Variants in ANO2 observed in about 807,000 individuals in gnomAD.
The protein encoded by ANO2 is anoctamin 2.
A neutral mutation model predicts 124.2 loss-of-function variants in ANO2; 101 were observed. That is an observed-to-expected ratio of 0.81 (90% confidence interval 0.69 to 0.96). ANO2 has a LOEUF of 0.96. Ranked by LOEUF, ANO2 falls within the 40% of genes least tolerant of loss-of-function variation. The probability of loss-of-function intolerance (pLI) is 0.00; values close to 1 mark genes in which losing one functional copy is unlikely to be tolerated. For missense variants in ANO2, 1,293 were observed against 1,274.5 expected (o/e 1.01, Z -0.22); for synonymous variants, 486 against 482.5 (o/e 1.01, Z -0.09).
At chr12:5,637,635 A>T (rs1409810769) in intron 15 of ANO2, among the ~76,000 whole-genome samples, 1 of 152,118 alleles carries the variant, frequency 6.6e-6, no homozygotes, top group East Asian at 1.9e-4. Context: ...CTGACCTGGA[A>T]CCTGCATTGT....
rs1941871870 is a variant in ANO2, at chr12:5,923,180, A to ACACC, written c.23-377_23-376insGGTG. 1.3e-4 allele frequency among the ~76,000 whole-genome samples: 6 copies of ACACC among 46,784 alleles called. 1 individual carries two copies. Among genetic ancestry groups the ACACC allele is most frequent in the East Asian group, 1.8e-3 (1 of 560 alleles). 30.7% of individuals were successfully genotyped at this position (46,784 alleles called of 152,430 possible). A position where few individuals can be genotyped will look rare whatever the true frequency, so the allele number is the denominator to read the frequency against. On this transcript the variant is annotated intron_variant, in intron 1 of 24. Coordinates refer to ENST00000682330, the MANE Select transcript of ANO2 (RefSeq NM_001364791.2). ...CACACGCATACACACACACGCACAC[A>ACACC]CACATACACACACACGCACGCACAC...
At position 5,855,471 on chromosome 12, in the gene ANO2, C is replaced by T. The variant is rs147034178; in HGVS notation, c.535-1330G>A. ...AATTCAAACATCCAGAACCAAACCT[C>T]ACTTTGAGGAAGAAAGCTCATGACT... On this transcript the variant is annotated intron_variant, in intron 3 of 24. Coordinates refer to ENST00000682330, the MANE Select transcript of ANO2 (RefSeq NM_001364791.2). Among the ~76,000 whole-genome samples the T allele has an allele frequency of 1.5e-4, 23 of 152,350 alleles. 1 individual carries two copies. The East Asian group carries it at 3.7e-3, about 24-fold the overall frequency.
At chr12:5,945,824 G>A (rs959497532), upstream of ANO2, among the ~76,000 whole-genome samples, 9 of 152,296 alleles carry the variant, frequency 5.9e-5, no homozygotes, top group African/African-American at 2.2e-4. Flanking sequence ...GTGCACAAGG[G>A]ACCGCAAAAC....
intron 3 of ANO2, among the ~76,000 whole-genome samples, chr12:5,895,506 A>G (rs1939718701): frequency 6.6e-6 from 1 of 152,168 alleles, no homozygotes; most frequent in South Asian, 2.1e-4. Context: ...GAGAAGATAA[A>G]CAAATAGCCA....
chr12:5,578,094 G>A (rs1942522871), intron 21 of ANO2, 87 bp from the exon 22 acceptor site: 1 of 1,489,286 alleles, frequency 6.7e-7, no homozygotes, highest in South Asian at 1.2e-5. Flanking sequence ...TGTTTTGCAG[G>A]TGAACTACGG....
At chr12:5,764,191 T>C (rs1387732638) in intron 10 of ANO2, among the ~76,000 whole-genome samples, 1 of 152,222 alleles carries the variant, frequency 6.6e-6, no homozygotes, top group Non-Finnish European at 1.5e-5. Context: ...CTTTTCGAGA[T>C]GAGACAACTG....
At chr12:5,882,666 G>A (rs541006910) in intron 3 of ANO2, among the ~76,000 whole-genome samples, 1 of 152,306 alleles carries the variant, frequency 6.6e-6, no homozygotes, top group East Asian at 1.9e-4. Flanking sequence ...CAGCTGGGGT[G>A]GTCTGAAAGA....
At chr12:5,939,088 G>T (rs1049486818) in intron 1 of ANO2, among the ~76,000 whole-genome samples, 17 of 150,686 alleles carry the variant, frequency 1.1e-4, no homozygotes, top group African/African-American at 3.9e-4. Flanking sequence ...GTAGTGGTGC[G>T]CGCCTGTAGT....
At chr12:5,763,728 T>C (rs895063102) in intron 10 of ANO2, among the ~76,000 whole-genome samples, 2 of 152,068 alleles carry the variant, frequency 1.3e-5, no homozygotes, top group Non-Finnish European at 2.9e-5. Flanking sequence ...TTTGTAGTAT[T>C]AAAAAACAAG....
At chr12:5,740,331 G>T in intron 12 of ANO2, 1 of 184,732 alleles carries the variant, frequency 5.4e-6, no homozygotes, top group East Asian at 1.4e-4. Context: ...CAAGAGGCCT[G>T]GTTATATTTC....
chr12:5,653,576 G>C (rs1024201692), intron 14 of ANO2, among the ~76,000 whole-genome samples: 2 of 152,162 alleles, frequency 1.3e-5, no homozygotes, highest in African/African-American at 2.4e-5. Context: ...TATAAGTTCT[G>C]TATAATTGTG....
At chr12:5,814,199 G>A (rs1953526495) in intron 7 of ANO2, among the ~76,000 whole-genome samples, 1 of 152,336 alleles carries the variant, frequency 6.6e-6, no homozygotes, top group South Asian at 2.1e-4. Context: ...GGGATGATAA[G>A]AGCTCTACTA....
chr12:5,897,797 T>A (rs1939899224), intron 3 of ANO2, among the ~76,000 whole-genome samples: 1 of 149,416 alleles, frequency 6.7e-6, no homozygotes, highest in Admixed American at 6.6e-5. Context: ...AGTTAACAAA[T>A]AAATGTTATG....
chr12:5,945,055 G>C (rs1203318417), intron 1 of ANO2, 141 bp downstream of exon 1: 5 of 588,258 alleles, frequency 8.5e-6, no homozygotes, highest in Non-Finnish European at 9.6e-6. Flanking sequence ...GGAAAAACGG[G>C]GTCAACTTCC....
At chr12:5,892,487 T>C (rs1340321536) in intron 3 of ANO2, among the ~76,000 whole-genome samples, 2 of 152,164 alleles carry the variant, frequency 1.3e-5, no homozygotes, top group Non-Finnish European at 2.9e-5. Context: ...AGACACATCA[T>C]AATCAAAGTA....
intron 14 of ANO2, among the ~76,000 whole-genome samples, chr12:5,705,455 A>G (rs936489008): frequency 3.9e-5 from 6 of 152,160 alleles, no homozygotes; most frequent in Non-Finnish European, 7.3e-5. Context: ...CTCGTCACCC[A>G]CCAGGATCAC....
Position 5,563,545 on chromosome 12 carries a change from G to A in ANO2, c.2751C>T (p.Val917=), listed in dbSNP as rs373466590. The A allele has an allele frequency of 2.9e-4, 474 of 1,613,870 alleles. No individual in the cohort carries two copies. The highest frequency in any genetic ancestry group is 3.8e-4 in the Non-Finnish European group (444 of 1,179,892). Residue 917 remains valine, a synonymous_variant, in exon 25 of 25, where the codon GTC becomes GTT. Coordinates refer to ENST00000682330, the MANE Select transcript of ANO2 (RefSeq NM_001364791.2). The part of the protein sequence containing the change: ...IFQNLVMFLS[V]LVDWMIPDIP... ...TGTCTGGAATCATCCAGTCCACGAG[G>A]ACGCTCAGGAACATCACGAGGTTCT...
In ANO2 at chr12:5,763,037, G is replaced by C. The variant is rs1334573067; in HGVS notation, c.1056-12067C>G. Among the ~76,000 whole-genome samples the C allele has an allele frequency of 2.0e-5, 3 of 151,972 alleles. No individual in the cohort carries two copies. In the East Asian group the frequency reaches 5.8e-4, roughly 29 times the overall value. ...TAATTGTCACTCTGGTTAAATGAAT[G>C]ATATAGTAACTTTTGATACTATTTA... is the stretch of plus-strand genomic sequence containing the variant. On this transcript the variant is annotated intron_variant, in intron 10 of 24. Coordinates refer to ENST00000682330, the MANE Select transcript of ANO2 (RefSeq NM_001364791.2).
At chr12:5,582,503 C>A (rs1230107054) in intron 20 of ANO2, among the ~76,000 whole-genome samples, 3 of 152,202 alleles carry the variant, frequency 2.0e-5, no homozygotes, top group Non-Finnish European at 4.4e-5. Context: ...CGTTTCAAGA[C>A]AATCTGTTTA....
Sources: allele counts gnomAD v4.1 joint callset (sites outside exome capture counted in the v4.1 genomes callset), GRCh38; gene constraint gnomAD v4.1.1; transcripts MANE v1.5; gene names NCBI Gene and HGNC (gene_info 2026-07-23, HGNC 2026-07-21).